The following DAB1 variants were observed in gnomAD, a reference collection of about 807,000 sequenced individuals.
DAB1 encodes DAB adaptor protein 1.
DAB1 carries 15 observed loss-of-function variants against 64.6 expected under a neutral mutation model. The ratio of observed to expected loss-of-function variants is 0.23; its 90% CI spans 0.16 to 0.36. The LOEUF is 0.36. Among genes scored for constraint, DAB1 ranks in the 10% least tolerant of loss-of-function variants. The pLI is 1.00. For synonymous variants in DAB1, 235 were observed against 251.9 expected, an observed-to-expected ratio of 0.93 and a Z score of 0.64; for missense variants, 596 against 706.7, an observed-to-expected ratio of 0.84 and a Z score of 1.78.
intron 5 of DAB1, among the ~76,000 whole-genome samples, chr1:58,068,782 C>CAAA (rs35725704): frequency 7.5e-6 from 1 of 133,288 alleles, no homozygotes; most frequent in South Asian, 2.4e-4. Context: ...AAAAAAAAAC[C>CAAA]AAAAAAAAAA....
At chr1:57,419,419 A>G (rs1558351288) in intron 1 of DAB1, among the ~76,000 whole-genome samples, 3 of 152,104 alleles carry the variant, frequency 2.0e-5, no homozygotes, top group South Asian at 2.1e-4. Flanking sequence ...AATGGCATGG[A>G]AATTTTAACA....
intron 5 of DAB1, among the ~76,000 whole-genome samples, chr1:57,997,511 G>T (rs1646443208): frequency 6.6e-6 from 1 of 152,102 alleles, no homozygotes; most frequent in Non-Finnish European, 1.5e-5. Flanking sequence ...CTGCCTTATA[G>T]CCCCTCAGTT....
chr1:57,252,597 T>C (rs777589374), intron 2 of DAB1, among the ~76,000 whole-genome samples: 11 of 152,240 alleles, frequency 7.2e-5, no homozygotes, highest in Non-Finnish European at 1.3e-4. Flanking sequence ...AAGTCTCTTG[T>C]TCTAGTTGGA....
At chr1:57,161,885 G>A (rs1660793484) in intron 2 of DAB1, among the ~76,000 whole-genome samples, 2 of 151,358 alleles carry the variant, frequency 1.3e-5, no homozygotes, top group Admixed American at 1.3e-4. Flanking sequence ...ATAAATCTGT[G>A]TCTTGCTTTT....
chr1:57,602,949 A>ATTTAT (rs1645591933), intron 7 of DAB1, among the ~76,000 whole-genome samples: 1 of 152,150 alleles, frequency 6.6e-6, no homozygotes, highest in Non-Finnish European at 1.5e-5. Context: ...GCAAATGATC[A>ATTTAT]CCACAAACTA....
intron 7 of DAB1, among the ~76,000 whole-genome samples, chr1:57,542,480 A>C (rs958919314): frequency 6.7e-6 from 1 of 149,944 alleles, no homozygotes; most frequent in East Asian, 2.0e-4. Context: ...TAGATGGACC[A>C]AGACAGTGAA....
intron 2 of DAB1, among the ~76,000 whole-genome samples, chr1:57,190,285 AAGT>A (rs1200672270): frequency 6.6e-6 from 1 of 152,192 alleles, no homozygotes; most frequent in Admixed American, 6.5e-5. Flanking sequence ...CAGGAAAGGC[AAGT>A]AGGGAAGAAG....
At chr1:57,463,250 T>C (rs191569382) in intron 7 of DAB1, among the ~76,000 whole-genome samples, 1 of 152,258 alleles carries the variant, frequency 6.6e-6, no homozygotes, top group East Asian at 1.9e-4. Context: ...TGATAGTGGA[T>C]TGTATATGAT....
At chr1:57,235,868 T>A (rs1291244020) in intron 2 of DAB1, among the ~76,000 whole-genome samples, 1 of 152,220 alleles carries the variant, frequency 6.6e-6, no homozygotes, top group Non-Finnish European at 1.5e-5. Context: ...CTTGCTGCAG[T>A]CTGCATAGCT....
chr1:57,137,454 T>C (rs1658224343), intron 3 of DAB1, among the ~76,000 whole-genome samples: 1 of 152,154 alleles, frequency 6.6e-6, no homozygotes. Context: ...CCAAAGTTGA[T>C]ATGATTCAAG....
At chr1:58,150,907 T>C (rs1405786951) in intron 4 of DAB1, among the ~76,000 whole-genome samples, 1 of 152,110 alleles carries the variant, frequency 6.6e-6, no homozygotes, top group Non-Finnish European at 1.5e-5. Context: ...GAGTTCTCAT[T>C]GTTCAATTCC....
At chr1:58,109,966 A>C (rs946137108) in intron 5 of DAB1, among the ~76,000 whole-genome samples, 1 of 152,194 alleles carries the variant, frequency 6.6e-6, no homozygotes, top group African/African-American at 2.4e-5. Context: ...ATATGTTCTT[A>C]CAGGTTTACC....
At chr1:58,460,949 C>G (rs1332070887) in intron 3 of DAB1, among the ~76,000 whole-genome samples, 1 of 152,156 alleles carries the variant, frequency 6.6e-6, no homozygotes, top group East Asian at 1.9e-4. Context: ...TGGCTTTCAA[C>G]ATTTTATGGT....
chr1:58,112,052 T>C (rs561985024), intron 5 of DAB1, among the ~76,000 whole-genome samples: 2 of 152,280 alleles, frequency 1.3e-5, no homozygotes, highest in African/African-American at 4.8e-5. Flanking sequence ...CCAGTGGCAA[T>C]GCCTTGGCAC....
At chr1:57,533,723 C>T (rs1644693279) in intron 7 of DAB1, among the ~76,000 whole-genome samples, 1 of 150,048 alleles carries the variant, frequency 6.7e-6, no homozygotes. Flanking sequence ...TTCTAATTAT[C>T]AGTTTTAAAA....
chr1:58,532,015 A>G (rs1847351), intron 1 of DAB1, among the ~76,000 whole-genome samples: 17,671 of 152,072 alleles, frequency 0.12, 1,224 homozygotes, highest in African/African-American at 0.18. Flanking sequence ...CCCAATTATG[A>G]AATTATTTTA....
intron 6 of DAB1, among the ~76,000 whole-genome samples, chr1:57,746,732 G>A (rs1648288215): frequency 6.6e-6 from 1 of 152,054 alleles, no homozygotes; most frequent in African/African-American, 2.4e-5. Context: ...CTATGTAAAT[G>A]GTTGTTATAT....
chr1:57,495,390 T>G (rs975121859), intron 7 of DAB1, among the ~76,000 whole-genome samples: 1 of 152,206 alleles, frequency 6.6e-6, no homozygotes, highest in Non-Finnish European at 1.5e-5. Context: ...CTGCACTGTT[T>G]CTGGGCTTTT....
intron 7 of DAB1, among the ~76,000 whole-genome samples, chr1:57,514,319 C>T (rs1644439084): frequency 6.6e-6 from 1 of 152,204 alleles, no homozygotes; most frequent in South Asian, 2.1e-4. Context: ...TACAAGGGTT[C>T]CCTTTTTTCC....
Sources: gnomAD v4.1 joint callset for allele counts (sites outside exome capture counted in the v4.1 genomes callset) on GRCh38, gnomAD v4.1.1 for gene constraint, MANE v1.5 for transcripts, NCBI Gene and HGNC (gene_info 2026-07-23, HGNC 2026-07-21) for gene names.